ALPK1: variants seen among roughly 807,000 people sequenced by gnomAD.
ALPK1 encodes alpha kinase 1.
ALPK1 carries 110 observed loss-of-function variants against 120.6 expected under a neutral mutation model. The observed-to-expected ratio is 0.91, with a 90% CI of 0.78 to 1.07. ALPK1 has a LOEUF of 1.07. Ranked by LOEUF, ALPK1 falls within the 50% of genes least tolerant of loss-of-function variation. The probability of loss-of-function intolerance (pLI) is 0.00; values close to 1 mark genes in which losing one functional copy is unlikely to be tolerated. For synonymous variants in ALPK1, 582 were observed against 560.3 expected, an observed-to-expected ratio of 1.04 and a Z score of -0.55; for missense variants, 1,498 against 1,483.9, an observed-to-expected ratio of 1.01 and a Z score of -0.16.
intron 2 of ALPK1, among the ~76,000 whole-genome samples, chr4:112,349,678 C>T (rs561047120): frequency 5.9e-5 from 9 of 151,842 alleles, no homozygotes; most frequent in South Asian, 2.1e-4. Flanking sequence ...CTCAGTCTCC[C>T]GAGTAGCTGG....
chr4:112,309,438 T>C (rs969171626), intron 1 of ALPK1, among the ~76,000 whole-genome samples: 1 of 152,142 alleles, frequency 6.6e-6, no homozygotes, highest in Non-Finnish European at 1.5e-5. Context: ...TACTCAAGCC[T>C]CAGCAATGGC....
chr4:112,373,052 C>G (rs998105928), intron 2 of ALPK1, among the ~76,000 whole-genome samples: 1 of 152,172 alleles, frequency 6.6e-6, no homozygotes, highest in Admixed American at 6.5e-5. Flanking sequence ...TAATTTTGGA[C>G]TTGAAGAAAA....
At chr4:112,401,096 A>T (rs545734906) in intron 4 of ALPK1, among the ~76,000 whole-genome samples, 1 of 152,336 alleles carries the variant, frequency 6.6e-6, no homozygotes, top group Non-Finnish European at 1.5e-5. Context: ...CTGGGCTGCC[A>T]TCTGGGCGTC....
chr4:112,301,190 G>A (rs1192740736), intron 1 of ALPK1, among the ~76,000 whole-genome samples: 1 of 152,040 alleles, frequency 6.6e-6, no homozygotes, highest in African/African-American at 2.4e-5. Flanking sequence ...TTTCTTCCCT[G>A]AGGTCATGCC....
rs578240116 is a variant in ALPK1, at chr4:112,312,553, T to G, written c.-152-3248T>G. ...TTCCAAAGTGCTGGGATTACAGGCG[T>G]GAGCCTCCGCACCTGGCCTAGATTC... is the stretch of plus-strand genomic sequence containing the variant. On this transcript the variant is annotated intron_variant, in intron 1 of 15. Transcript: ENST00000650871. 5.9e-5 allele frequency among the ~76,000 whole-genome samples: 9 copies of G among 152,350 alleles called. No individual in the cohort carries two copies. The East Asian group carries it at 1.7e-3, about 29-fold the overall frequency.
At chr4:112,349,261 G>A (rs547024023) in intron 2 of ALPK1, among the ~76,000 whole-genome samples, 1 of 152,050 alleles carries the variant, frequency 6.6e-6, no homozygotes, top group South Asian at 2.1e-4. Context: ...CTTTATACTG[G>A]AAAAATATCA....
chr4:112,382,294 T>C, intron 3 of ALPK1, 104 bp from the exon 4 acceptor site: 1 of 377,764 alleles, frequency 2.6e-6, no homozygotes, highest in Non-Finnish European at 3.3e-6. Flanking sequence ...TTTCTCTTTT[T>C]TTTTTTTTTT....
At chr4:112,390,092 T>A (rs1005070911) in intron 4 of ALPK1, among the ~76,000 whole-genome samples, 1 of 152,202 alleles carries the variant, frequency 6.6e-6, no homozygotes, top group Non-Finnish European at 1.5e-5. Flanking sequence ...AACTCTAGTC[T>A]GTCACCCTAG....
chr4:112,359,028 G>C (rs539565020), intron 2 of ALPK1: 100 of 764,864 alleles, frequency 1.3e-4, no homozygotes, highest in Non-Finnish European at 2.3e-4. Context: ...CTATCGGCCA[G>C]AGCACAGCAT....
chr4:112,426,449 C>T lies in ALPK1; in HGVS notation c.623-18C>T, dbSNP rs758127447. 2.7e-5 allele frequency: 43 copies of T among 1,588,044 alleles called. No homozygotes were observed. The African/African-American group carries it at 3.8e-4, about 14-fold the overall frequency. On this transcript the variant is annotated intron_variant, in intron 7 of 15. Transcript: ENST00000650871. ...GTTCCTCCCCTGTCCCTCTCCCCGCCCCTCTTTTTTTTTTCAGGGATGTGG... is the reference window on the plus strand; with the variant it reads ...GTTCCTCCCCTGTCCCTCTCCCCGCTCCTCTTTTTTTTTTCAGGGATGTGG...
At chr4:112,420,758 C>T (rs756601745) in intron 5 of ALPK1, among the ~76,000 whole-genome samples, 1 of 152,076 alleles carries the variant, frequency 6.6e-6, no homozygotes, top group African/African-American at 2.4e-5. Flanking sequence ...GAGAATGGTT[C>T]GCCTCAGCTT....
chr4:112,337,564 C>T (rs1231255935), intron 2 of ALPK1, among the ~76,000 whole-genome samples: 1 of 152,066 alleles, frequency 6.6e-6, no homozygotes, highest in Non-Finnish European at 1.5e-5. Flanking sequence ...ATGAGCCAGG[C>T]ATGGTGGCAT....
At position 112,323,310 on chromosome 4, in the gene ALPK1, A is replaced by G. The variant is rs115279998; in HGVS notation, c.-101+7458A>G. Among the ~76,000 whole-genome samples, 230 of 152,236 alleles carry G rather than the reference A, an allele frequency of 1.5e-3. 2 individuals are homozygous for G. The highest frequency in any genetic ancestry group is 5.2e-3 in the African/African-American group (216 of 41,532). ...GTAAATTAAACTACAAATCACAATC[A>G]TTCTTTGCCCATTCTTTGCTTGGAA... On this transcript the variant is annotated intron_variant, in intron 2 of 15. Coordinates refer to ENST00000650871, the MANE Select transcript of ALPK1 (RefSeq NM_025144.4).
At chr4:112,337,444 C>T (rs1729668119) in intron 2 of ALPK1, among the ~76,000 whole-genome samples, 2 of 152,092 alleles carry the variant, frequency 1.3e-5, no homozygotes, top group Admixed American at 6.5e-5. Flanking sequence ...CTTGTAAGCC[C>T]AGCATTTTGG....
intron 2 of ALPK1, among the ~76,000 whole-genome samples, chr4:112,366,414 G>GAT (rs1457148424): frequency 6.6e-6 from 1 of 150,978 alleles, no homozygotes; most frequent in Non-Finnish European, 1.5e-5. Context: ...TTCAAAAAAA[G>GAT]ATATACAAAT....
intron 8 of ALPK1, among the ~76,000 whole-genome samples, chr4:112,426,927 T>G (rs1734260984): frequency 6.6e-6 from 1 of 152,196 alleles, no homozygotes; most frequent in African/African-American, 2.4e-5. Context: ...ACTTCAACTG[T>G]TTATATAGCA....
intron 4 of ALPK1, among the ~76,000 whole-genome samples, chr4:112,409,518 G>A (rs1237987313): frequency 6.6e-6 from 1 of 151,920 alleles, no homozygotes; most frequent in African/African-American, 2.4e-5. Context: ...TCTGCTAGTG[G>A]AACCCCAAAA....
rs528413689 is a variant in ALPK1 at position 112,387,078 on chromosome 4, G to A, written c.276+4526G>A. 1.3e-4 allele frequency among the ~76,000 whole-genome samples: 20 copies of A among 152,318 alleles called. No homozygotes were observed. The East Asian group carries it at 3.9e-3, about 29-fold the overall frequency. On this transcript the variant is annotated intron_variant, in intron 4 of 15. Transcript: ENST00000650871. ...AAAGTATTGAAGGCATTTAGCGTTA[G>A]CTTCTGTTTAGCTCAGCTTTGGGCC... is the stretch of plus-strand genomic sequence containing the variant.
intron 5 of ALPK1, among the ~76,000 whole-genome samples, chr4:112,423,122 C>T (rs765577584): frequency 2.8e-4 from 43 of 152,036 alleles, no homozygotes; most frequent in Non-Finnish European, 4.6e-4. Flanking sequence ...TGTATGTCTA[C>T]GTATGTAATT....
Sources: gnomAD v4.1 joint callset for allele counts (sites outside exome capture counted in the v4.1 genomes callset) on GRCh38, gnomAD v4.1.1 for gene constraint, MANE v1.5 for transcripts, NCBI Gene and HGNC (gene_info 2026-07-23, HGNC 2026-07-21) for gene names.